Variants in KLHDC4 observed in about 807,000 individuals in gnomAD.
The protein encoded by KLHDC4 is kelch domain-containing protein 4.
A neutral mutation model predicts 62.4 loss-of-function variants in KLHDC4; 90 were observed. That is an observed-to-expected ratio of 1.44 (90% CI 1.22 to 1.72). The LOEUF (loss-of-function observed/expected upper bound fraction) is 1.72, where lower values mean the gene tolerates loss of function less well. Among genes scored for constraint, KLHDC4 ranks in the 40% most tolerant of loss-of-function variants. The pLI is 0.00. For missense variants in KLHDC4, 1,025 were observed against 699.7 expected (o/e 1.47, Z -5.25); for synonymous variants, 386 against 284.4 (o/e 1.36, Z -3.59).
chr16:87,714,771 C>T (rs895754616), intron 7 of KLHDC4, among the ~76,000 whole-genome samples, 198 bp from the exon 8 acceptor site: 2 of 152,214 alleles, frequency 1.3e-5, no homozygotes, highest in African/African-American at 4.8e-5. Context: ...ATGGGTCCAT[C>T]TGAAGAGGCC....
At chr16:87,748,932 A>C in intron 4 of KLHDC4, 123 bp from the exon 5 acceptor site, 3 of 1,094,162 alleles carry the variant, frequency 2.7e-6, no homozygotes, top group East Asian at 2.7e-5. Context: ...GACCAGCCCC[A>C]CACTCAGCCA....
At chr16:87,733,023 C>G (rs1411563317) in intron 5 of KLHDC4, among the ~76,000 whole-genome samples, 2 of 139,506 alleles carry the variant, frequency 1.4e-5, no homozygotes, top group African/African-American at 5.7e-5. Flanking sequence ...AATCCTATCC[C>G]AGCTTCTATC....
At chr16:87,704,672 T>C (rs879508871), downstream of KLHDC4, among the ~76,000 whole-genome samples, 5 of 152,030 alleles carry the variant, frequency 3.3e-5, no homozygotes, top group African/African-American at 1.2e-4. Context: ...CCCAGTGACT[T>C]TGTCACCTAG....
intron 4 of KLHDC4, among the ~76,000 whole-genome samples, chr16:87,753,731 G>C (rs1174924083): frequency 2.0e-5 from 3 of 151,686 alleles, no homozygotes. Flanking sequence ...AACTCAGGAA[G>C]CGGAGGTTGC....
intron 4 of KLHDC4, among the ~76,000 whole-genome samples, chr16:87,751,940 T>C (rs1052257631): frequency 6.6e-6 from 1 of 150,750 alleles, no homozygotes; most frequent in Non-Finnish European, 1.5e-5. Flanking sequence ...CCAGGCACGG[T>C]GGCAGGTGCC....
chr16:87,764,741 C>G (rs2046369097), intron 1 of KLHDC4, among the ~76,000 whole-genome samples: 1 of 146,950 alleles, frequency 6.8e-6, no homozygotes, highest in Admixed American at 6.9e-5. Context: ...CTGAAGATAC[C>G]ACACAGATGA....
chr16:87,737,106 CAAAAAA>C (rs55787836), intron 5 of KLHDC4, among the ~76,000 whole-genome samples: 11 of 64,828 alleles, frequency 1.7e-4, no homozygotes, highest in African/African-American at 3.8e-4. Flanking sequence ...GCCTGGGCGA[CAAAAAA>C]AAAAAAAAAA....
chr16:87,718,447 C>G (rs911286530), intron 7 of KLHDC4, among the ~76,000 whole-genome samples: 1 of 150,746 alleles, frequency 6.6e-6, no homozygotes, highest in Non-Finnish European at 1.5e-5. Flanking sequence ...CTGCCGCCAT[C>G]TCGGCTCACT....
chr16:87,719,638 C>T (rs1003770610), intron 7 of KLHDC4, among the ~76,000 whole-genome samples: 5 of 151,156 alleles, frequency 3.3e-5, no homozygotes, highest in African/African-American at 1.2e-4. Flanking sequence ...ATCCCCCTCT[C>T]CGAGAAACAC....
chr16:87,723,229 C>T lies in KLHDC4; in HGVS notation c.759+3536G>A, dbSNP rs140864163. 3.4e-3 allele frequency among the ~76,000 whole-genome samples: 518 copies of T among 152,364 alleles called. 3 individuals are homozygous for T. Among genetic ancestry groups the T allele is most frequent in the African/African-American group, 0.011 (441 of 41,584 alleles). On this transcript the variant is annotated intron_variant, in intron 7 of 11. Transcript: ENST00000270583. Reference sequence around the variant, plus strand: ...TTTTTACACTCCAAACCATTCACAACTCAAATCTCTCGCTAATTCTGATAA... The same window carrying T: ...TTTTTACACTCCAAACCATTCACAATTCAAATCTCTCGCTAATTCTGATAA...
chr16:87,720,520 G>C (rs1410682662), intron 7 of KLHDC4, among the ~76,000 whole-genome samples: 1 of 152,126 alleles, frequency 6.6e-6, no homozygotes, highest in Non-Finnish European at 1.5e-5. Context: ...CACAACCACA[G>C]GTGATGAGCC....
intron 4 of KLHDC4, among the ~76,000 whole-genome samples, chr16:87,749,487 G>T (rs1039862383): frequency 6.6e-6 from 1 of 150,500 alleles, no homozygotes; most frequent in East Asian, 2.0e-4. Context: ...CTGGGAGGTG[G>T]AGGGTGCAGT....
In KLHDC4 at chr16:87,701,597, G is replaced by A. The variant is rs1464984999; in HGVS notation, c.*42C>T. On this transcript the variant is annotated 3_prime_UTR_variant, in exon 1 of 1. Transcript: ENST00000446344. ...CTGGGCCCAGGCCGCTGGGTTTCTG[G>A]GGTCGGCAGAGTGGGCCAGGCAACA... The A allele has an allele frequency of 3.5e-5, 15 of 423,992 alleles. No individual in the cohort carries two copies. In the East Asian group the frequency reaches 9.2e-4, roughly 26 times the overall value. 26.3% of individuals were successfully genotyped at this position (423,992 alleles called of 1,614,324 possible). A position where few individuals can be genotyped will look rare whatever the true frequency, so the allele number is the denominator to read the frequency against.
At chr16:87,731,883 G>A (rs1306838570) in intron 5 of KLHDC4, among the ~76,000 whole-genome samples, 1 of 152,174 alleles carries the variant, frequency 6.6e-6, no homozygotes, top group Non-Finnish European at 1.5e-5. Flanking sequence ...GTTTACTGAT[G>A]CACACAGCAA....
chr16:87,735,638 T>C (rs1447261493), intron 5 of KLHDC4, among the ~76,000 whole-genome samples: 2 of 152,266 alleles, frequency 1.3e-5, no homozygotes, highest in Non-Finnish European at 2.9e-5. Flanking sequence ...CACGTCCCTC[T>C]TTAGAAAAAT....
exon 1 of KLHDC4, chr16:87,699,266 A>C (rs1283133151): frequency 1.3e-5 from 2 of 152,268 alleles, no homozygotes; most frequent in African/African-American, 4.8e-5. Context: ...GTGCCTGGAT[A>C]ATTTCGGGAA....
At chr16:87,761,687 G>A (rs918614909) in intron 2 of KLHDC4, among the ~76,000 whole-genome samples, 5 of 152,074 alleles carry the variant, frequency 3.3e-5, no homozygotes, top group South Asian at 2.1e-4. Context: ...TCATCCCCAC[G>A]TCACGACCAG....
At chr16:87,761,455 C>T (rs1448804332) in intron 2 of KLHDC4, among the ~76,000 whole-genome samples, 1 of 152,204 alleles carries the variant, frequency 6.6e-6, no homozygotes, top group Non-Finnish European at 1.5e-5. Flanking sequence ...CCAGCTCATC[C>T]CACACGTGTA....
At chr16:87,736,616 A>G (rs2041361530) in intron 5 of KLHDC4, among the ~76,000 whole-genome samples, 1 of 152,228 alleles carries the variant, frequency 6.6e-6, no homozygotes, top group African/African-American at 2.4e-5. Flanking sequence ...ATGATAGTGT[A>G]AAGACAGGGC....
Sources: allele counts gnomAD v4.1 joint callset (sites outside exome capture counted in the v4.1 genomes callset), GRCh38; gene constraint gnomAD v4.1.1; transcripts MANE v1.5; gene names NCBI Gene and HGNC (gene_info 2026-07-23, HGNC 2026-07-21).